The following CHST4 variants were observed in gnomAD, a reference collection of about 807,000 sequenced individuals.
The protein encoded by CHST4 is carbohydrate sulfotransferase 4, also known as GST-3.
For synonymous variants in CHST4, 171 were observed against 195.5 expected (o/e 0.87, Z 1.05); for missense variants, 466 against 506.0 (o/e 0.92, Z 0.76).
intron 1 of CHST4, among the ~76,000 whole-genome samples, chr16:71,532,172 C>T (rs1016355070): frequency 1.3e-5 from 2 of 151,944 alleles, no homozygotes; most frequent in Non-Finnish European, 2.9e-5. Context: ...TTCAGCCTCC[C>T]GAGTAGCTGG....
intron 1 of CHST4, among the ~76,000 whole-genome samples, chr16:71,531,466 A>C: frequency 6.6e-6 from 1 of 152,212 alleles, no homozygotes; most frequent in East Asian, 1.9e-4. Context: ...CTTTCTACCC[A>C]GGGCAAGTGC....
Position 71,537,946 on chromosome 16 carries a change from ATCAC to A in CHST4, c.*109_*112del, listed in dbSNP as rs2044005772. ...GAGCCTTAACTACATGTCTGTGGGTATCACACTGAGTGTGAGTTGTGTCCACACG... is the reference window on the plus strand; with the variant it reads ...GAGCCTTAACTACATGTCTGTGGGTAACTGAGTGTGAGTTGTGTCCACACG... On this transcript the variant is annotated 3_prime_UTR_variant, in exon 2 of 2. Transcript: ENST00000539698. This position sits in a 1 kb window ranked among gnomAD's most constrained non-coding sequence, Gnocchi z 4.2. The A allele has an allele frequency of 9.7e-7, 1 of 1,026,294 alleles. No homozygotes were observed. The highest frequency in any genetic ancestry group is 1.6e-5 in the African/African-American group (1 of 61,752). 63.6% of individuals were successfully genotyped at this position (1,026,294 alleles called of 1,614,324 possible). A position where few individuals can be genotyped will look rare whatever the true frequency, so the allele number is the denominator to read the frequency against.
At chr16:71,535,883 C>T (rs2043983865) in intron 1 of CHST4, among the ~76,000 whole-genome samples, 1 of 152,144 alleles carries the variant, frequency 6.6e-6, no homozygotes, top group Non-Finnish European at 1.5e-5. Context: ...TGGGATGACA[C>T]CAAATCAGAA....
chr16:71,531,949 G>A (rs188161325), intron 1 of CHST4, among the ~76,000 whole-genome samples: 7 of 151,890 alleles, frequency 4.6e-5, no homozygotes, highest in East Asian at 1.9e-4. Flanking sequence ...GGGGAGGGAG[G>A]ACATCCTTGG....
intron 1 of CHST4, among the ~76,000 whole-genome samples, chr16:71,533,034 G>A (rs537427687): frequency 6.6e-6 from 1 of 151,512 alleles, no homozygotes; most frequent in Non-Finnish European, 1.5e-5. Flanking sequence ...ATTTTTTTTT[G>A]ATTTTTTTTT....
At position 71,537,289 on chromosome 16, in the gene CHST4, C is replaced by A. The variant is rs750913149; in HGVS notation, c.612C>A (p.Val204=). The stretch of plus-strand genomic sequence containing the variant: ...TCAACCTGCATATCGTGCACCTGGT[C>A]CGGGACCCCCGGGCCGTGTTCCGTT... ...PSLNLHIVHL[V]RDPRAVFRSR... is the part of the protein sequence containing the mutation. The change falls in exon 2 of 2, where the codon GTC becomes GTA. Residue 204 remains valine (V), a synonymous_variant. Transcript: ENST00000539698. The surrounding 1 kb of genome is among the most constrained non-coding windows in gnomAD (Gnocchi z 4.2). 17 of 1,614,072 alleles carry A rather than the reference C, an allele frequency of 1.1e-5. No homozygotes were observed. In the East Asian group the frequency reaches 3.6e-4, roughly 34 times the overall value.
In CHST4 at chr16:71,536,851, G is replaced by C. The variant is rs1377124366; in HGVS notation, c.174G>C (p.Val58=). The change falls in exon 2 of 2, where the codon GTG becomes GTC. Residue 58 remains valine (V), a synonymous_variant. Coordinates refer to ENST00000539698, the MANE Select transcript of CHST4 (RefSeq NM_001166395.2). ...CCTGGCGCTCTGGCTCTTCTTTTGT[G>C]GGGCAGCTTTTTGGGCAGCACCCAG... ...LSSWRSGSSF[V]GQLFGQHPDV... 6.5e-7 allele frequency: 1 copy of C among 1,548,632 alleles called. No homozygotes were observed. Among genetic ancestry groups the C allele is most frequent in the East Asian group, 2.3e-5 (1 of 44,242 alleles).
In CHST4 at chr16:71,537,529, G is replaced by A; in HGVS notation, c.852G>A (p.Val284=). The part of the protein sequence containing the change: ...VRYEDLARAP[V]AQTSRMYEFV... ...ATGAGGACCTGGCTCGAGCCCCTGT[G>A]GCCCAGACTTCCCGAATGTATGAAT... Residue 284 remains valine, a synonymous_variant, in exon 2 of 2, where the codon GTG becomes GTA. Coordinates refer to ENST00000539698, the MANE Select transcript of CHST4 (RefSeq NM_001166395.2). The surrounding 1 kb of genome is among the most constrained non-coding windows in gnomAD (Gnocchi z 4.2). 6.2e-7 allele frequency: 1 copy of A among 1,614,190 alleles called. No individual in the cohort carries two copies. The highest frequency in any genetic ancestry group is 1.3e-5 in the African/African-American group (1 of 75,046).
intron 1 of CHST4, among the ~76,000 whole-genome samples, chr16:71,532,567 C>T (rs777192220): frequency 2.0e-5 from 3 of 152,188 alleles, no homozygotes; most frequent in Non-Finnish European, 4.4e-5. Context: ...TCATTACATA[C>T]TTCCCAGAAG....
intron 1 of CHST4, among the ~76,000 whole-genome samples, chr16:71,532,093 G>GCCGGA (rs2043952717): frequency 6.7e-6 from 1 of 149,864 alleles, no homozygotes; most frequent in African/African-American, 2.5e-5. Flanking sequence ...TGTCGCCCAG[G>GCCGGA]CTGGAGTGCA....
intron 1 of CHST4, among the ~76,000 whole-genome samples, chr16:71,530,064 G>C (rs1225895089): frequency 6.6e-6 from 1 of 152,102 alleles, no homozygotes; most frequent in African/African-American, 2.4e-5. Context: ...CTTGAATCTA[G>C]GAGGCAGAGG....
chr16:71,536,244 A>AG, intron 1 of CHST4, among the ~76,000 whole-genome samples: 1 of 152,192 alleles, frequency 6.6e-6, no homozygotes, highest in African/African-American at 2.4e-5. Flanking sequence ...CTGTCTCTGC[A>AG]GGAATCACAA....
Position 71,537,119 on chromosome 16 carries a change from C to T in CHST4, c.442C>T (p.Pro148Ser). ...CATCATCCCACAAGATGAAATCATC[C>T]CCCGGGCTCACTGCAGGCTCCTGTG... ...CDIIPQDEII[P>S]RAHCRLLCSQ... The change falls in exon 2 of 2, where the codon CCC becomes TCC. Residue 148 changes from proline to serine, a missense_variant. Coordinates refer to ENST00000539698, the MANE Select transcript of CHST4 (RefSeq NM_001166395.2). This position sits in a 1 kb window ranked among gnomAD's most constrained non-coding sequence, Gnocchi z 4.2. 1 of 1,614,120 alleles carries T rather than the reference C, an allele frequency of 6.2e-7. No homozygotes were observed. The highest frequency in any genetic ancestry group is 8.5e-7 in the Non-Finnish European group (1 of 1,180,032).
chr16:71,529,900 C>T (rs949950922), intron 1 of CHST4, among the ~76,000 whole-genome samples: 3 of 152,194 alleles, frequency 2.0e-5, no homozygotes, highest in Non-Finnish European at 4.4e-5. Flanking sequence ...GTGATCCCAG[C>T]ACTTTGGCAG....
rs4584826 is a variant in CHST4, at chr16:71,534,617, A to C, written c.-18-2043A>C. On this transcript the variant is annotated intron_variant, in intron 1 of 1. Coordinates refer to ENST00000539698, the MANE Select transcript of CHST4 (RefSeq NM_001166395.2). ...ATATGATCCACCCGCCTCGGCCTCC[A>C]AAAGTGTTGGGACTACAGGCATGAG... Among the ~76,000 whole-genome samples the C allele has an allele frequency of 5.0e-3, 760 of 152,054 alleles. 7 individuals carry two copies. Among genetic ancestry groups the C allele is most frequent in the African/African-American group, 0.018 (734 of 41,488 alleles).
intron 1 of CHST4, 109 bp downstream of exon 1, chr16:71,526,604 G>A (rs1273146554): frequency 1.3e-5 from 2 of 152,178 alleles, no homozygotes; most frequent in Non-Finnish European, 2.9e-5. Context: ...TTACAGTGGC[G>A]AAGGCGGTTT....
At chr16:71,535,924 G>A (rs985374181) in intron 1 of CHST4, among the ~76,000 whole-genome samples, 3 of 152,174 alleles carry the variant, frequency 2.0e-5, no homozygotes, top group African/African-American at 7.2e-5. Flanking sequence ...GGTGAGAAAT[G>A]GGCAGGTGAG....
At chr16:71,528,249 CAAAAA>C (rs10716662) in intron 1 of CHST4, among the ~76,000 whole-genome samples, 31 of 109,292 alleles carry the variant, frequency 2.8e-4, no homozygotes, top group African/African-American at 8.7e-4. Flanking sequence ...GACTTCATTT[CAAAAA>C]AAAAAAAAAA....
At chr16:71,526,278 T>C (rs564651654), upstream of CHST4, 212 of 152,388 alleles carry the variant, frequency 1.4e-3, 1 homozygote, top group Non-Finnish European at 1.2e-3. Context: ...CACAGCTTCC[T>C]GGGAGCGAGT....
Sources: gnomAD v4.1 joint callset for allele counts (sites outside exome capture counted in the v4.1 genomes callset) on GRCh38, gnomAD v4.1.1 for gene constraint, Gnocchi (gnomAD v3.1) non-coding constraint, MANE v1.5 for transcripts, NCBI Gene and HGNC (gene_info 2026-07-23, HGNC 2026-07-21) for gene names.